COMMD4: variants seen among roughly 807,000 people sequenced by gnomAD.
COMMD4 encodes COMM domain containing 4, also known as COMM domain-containing protein 4.
COMMD4 carries 18 observed loss-of-function variants against 27.5 expected under a neutral mutation model. The ratio of observed to expected loss-of-function variants is 0.65; its 90% CI spans 0.45 to 0.97. The LOEUF (loss-of-function observed/expected upper bound fraction) is 0.97, where lower values mean the gene tolerates loss of function less well. Among genes scored for constraint, COMMD4 ranks in the 50% least tolerant of loss-of-function variants. The probability of loss-of-function intolerance (pLI) is 0.00; values close to 1 mark genes in which losing one functional copy is unlikely to be tolerated. For synonymous variants in COMMD4, 108 were observed against 108.4 expected, an observed-to-expected ratio of 1.00 and a Z score of 0.02; for missense variants, 243 against 250.0, an observed-to-expected ratio of 0.97 and a Z score of 0.19.
chr15:75,339,924 C>A (rs778023131), intron 7 of COMMD4, 41 bp from the exon 8 acceptor site: 2 of 1,614,072 alleles, frequency 1.2e-6, no homozygotes, highest in Non-Finnish European at 1.7e-6. Flanking sequence ...CTCCCAGATC[C>A]GCCTGACTGC....
downstream of COMMD4, chr15:75,342,822 G>GT: frequency 6.6e-6 from 1 of 152,154 alleles, no homozygotes; most frequent in South Asian, 2.1e-4. Flanking sequence ...CTTTTTTTGT[G>GT]TTTTTTGTTT....
intron 1 of COMMD4, chr15:75,337,590 C>CAAAA: frequency 1.1e-5 from 1 of 92,468 alleles, no homozygotes; most frequent in Admixed American, 1.1e-4. Context: ...GAAACTGTCT[C>CAAAA]AAAAAAAAAA....
At chr15:75,337,165 GGT>G (rs1413041350) in intron 1 of COMMD4, 1 of 152,222 alleles carries the variant, frequency 6.6e-6, no homozygotes, top group Non-Finnish European at 1.5e-5. Context: ...GAGTGAAGAG[GGT>G]GGATCACCTG....
intron 5 of COMMD4, 41 bp from the exon 6 acceptor site, chr15:75,339,223 C>A: frequency 6.2e-7 from 1 of 1,612,102 alleles, no homozygotes; most frequent in African/African-American, 1.3e-5. Context: ...CAAGCCAGGC[C>A]CCGACATGCT....
chr15:75,339,211 C>G lies in COMMD4; in HGVS notation c.302-53C>G, dbSNP rs900812236. ...GTACCTGCCCTGTCTGGGCCAGGAGCCCAAGCCAGGCCCCGACATGCTACC... is the reference window on the plus strand; with the variant it reads ...GTACCTGCCCTGTCTGGGCCAGGAGGCCAAGCCAGGCCCCGACATGCTACC... On this transcript the variant is annotated intron_variant, in intron 5 of 7. Transcript: ENST00000267935. The G allele has an allele frequency of 4.3e-6, 7 of 1,611,888 alleles. No homozygotes were observed. The African/African-American group carries it at 6.7e-5, about 15-fold the overall frequency.
downstream of COMMD4, chr15:75,342,068 CAAAAAAAAAAAAAAAA>C (rs34126288): frequency 6.8e-5 from 3 of 44,062 alleles, no homozygotes; most frequent in African/African-American, 3.2e-4. Context: ...GACCCTGTCT[CAAAAAAAAAAAAAAAA>C]AAAAAAAAAA....
In COMMD4 at chr15:75,339,766, C is replaced by G. The variant is rs201719020; in HGVS notation, c.447C>G (p.Ser149=). Residue 149 remains serine (S), a synonymous_variant, in exon 7 of 8, where the codon TCC becomes TCG. Transcript: ENST00000267935. Reference sequence around the variant, plus strand: ...CCCTGAGCTCCAGCCTGCTGCAATCCGTGGAAGAGCCCATGGTGCACCTGC... The same window carrying G: ...CCCTGAGCTCCAGCCTGCTGCAATCGGTGGAAGAGCCCATGGTGCACCTGC... ...DYTLSSSLLQ[S]VEEPMVHLRL... The G allele has an allele frequency of 1.5e-4, 240 of 1,613,990 alleles. 2 individuals are homozygous for G. Among genetic ancestry groups the G allele is most frequent in the Non-Finnish European group, 1.1e-5 (13 of 1,179,952 alleles).
chr15:75,338,624 T>C (rs879530160), intron 3 of COMMD4, 22 bp from the exon 4 acceptor site: 16 of 1,613,554 alleles, frequency 9.9e-6, no homozygotes, highest in Non-Finnish European at 1.4e-5. Flanking sequence ...TGGCACCCCC[T>C]GAAGGTCTCC....
downstream of COMMD4, chr15:75,340,978 C>T (rs2071424151): frequency 2.0e-5 from 3 of 152,258 alleles, no homozygotes; most frequent in Non-Finnish European, 4.4e-5. Context: ...AGAGAAGTGA[C>T]CATGCCTGAA....
intron 6 of COMMD4, 54 bp from the exon 7 acceptor site, chr15:75,339,648 G>C (rs1220609374): frequency 1.3e-6 from 2 of 1,528,446 alleles, no homozygotes; most frequent in East Asian, 2.3e-5. Flanking sequence ...TGTCGGCTGA[G>C]GTCTACTTGG....
chr15:75,339,848 T>G lies in COMMD4; in HGVS notation c.529T>G (p.Ser177Ala). 6.2e-7 allele frequency: 1 copy of G among 1,613,674 alleles called. No individual in the cohort carries two copies. Among genetic ancestry groups the G allele is most frequent in the South Asian group, 1.1e-5 (1 of 91,032 alleles). The change falls in exon 7 of 8, where the codon TCA (serine) becomes GCA (alanine). Residue 177 changes from serine to alanine, a missense_variant. Ser to Ala is a moderately conservative substitution (Grantham distance 99). Coordinates refer to ENST00000267935, the MANE Select transcript of COMMD4 (RefSeq NM_017828.5). ...TPAQPVAMSL[S>A]ADKFQVLLAE... ...AGCCCAGCCTGTTGCCATGTCCCTC[T>G]CAGCAGACAAGTTCCAGGTCCTCCT...
At chr15:75,339,514 C>A in intron 6 of COMMD4, 170 bp downstream of exon 6, 1 of 1,170,682 alleles carries the variant, frequency 8.5e-7, no homozygotes, top group Non-Finnish European at 1.2e-6. Flanking sequence ...TTTCTTGTCA[C>A]TGAGGTCTGC....
At chr15:75,336,402 G>T in intron 1 of COMMD4, 1 of 813,198 alleles carries the variant, frequency 1.2e-6, no homozygotes, top group Non-Finnish European at 1.8e-6. Context: ...GTCCTTTCAG[G>T]TCTTCCCCAT....
At chr15:75,339,672 A>G in intron 6 of COMMD4, 30 bp from the exon 7 acceptor site, 2 of 1,553,566 alleles carry the variant, frequency 1.3e-6, no homozygotes, top group Non-Finnish European at 1.7e-6. Flanking sequence ...GCCTGCTTTG[A>G]TCCTGAGAGC....
At chr15:75,338,029 T>TGATTA in intron 1 of COMMD4, 33 bp from the exon 2 acceptor site, 4 of 1,584,420 alleles carry the variant, frequency 2.5e-6, no homozygotes, top group Non-Finnish European at 3.4e-6. Context: ...CAGGCCTCCC[T>TGATTA]CCAGCCTGAT....
chr15:75,339,917 C>T (rs991552116), intron 7 of COMMD4, 39 bp downstream of exon 7: 12 of 1,613,912 alleles, frequency 7.4e-6, no homozygotes, highest in Non-Finnish European at 1.0e-5. Context: ...AGAGGCTCTC[C>T]CAGATCCGCC....
intron 1 of COMMD4, chr15:75,337,024 A>C (rs1235828963): frequency 6.6e-6 from 1 of 152,256 alleles, no homozygotes; most frequent in Non-Finnish European, 1.5e-5. Context: ...GATCACCACA[A>C]TCAAGATAAT....
At chr15:75,336,859 G>A (rs1325534234) in intron 1 of COMMD4, 1 of 152,352 alleles carries the variant, frequency 6.6e-6, no homozygotes, top group Non-Finnish European at 1.5e-5. Flanking sequence ...GGAGACGTGT[G>A]TCTTCAGACA....
downstream of COMMD4, among the ~76,000 whole-genome samples, chr15:75,340,435 T>C (rs529504131): frequency 6.6e-6 from 1 of 152,268 alleles, no homozygotes; most frequent in African/African-American, 2.4e-5. Context: ...CATCTGCTTG[T>C]CTGGTGAGAA....
Sources: gnomAD v4.1 joint callset for allele counts (sites outside exome capture counted in the v4.1 genomes callset) on GRCh38, gnomAD v4.1.1 for gene constraint, MANE v1.5 for transcripts, NCBI Gene and HGNC (gene_info 2026-07-23, HGNC 2026-07-21) for gene names.